Variants in CLDN16 observed in about 807,000 individuals in gnomAD.
CLDN16 encodes the protein claudin 16.
A neutral mutation model predicts 24.6 loss-of-function variants in CLDN16; 13 were observed. The observed-to-expected ratio is 0.53, with a 90% CI of 0.34 to 0.84. CLDN16 has a LOEUF of 0.84. Ranked by LOEUF, CLDN16 falls within the 40% of genes least tolerant of loss-of-function variation. CLDN16 has a pLI of 0.01. For missense variants in CLDN16, 298 were observed against 292.7 expected, an observed-to-expected ratio of 1.02 and a Z score of -0.13; for synonymous variants, 116 against 106.7, an observed-to-expected ratio of 1.09 and a Z score of -0.54.
At chr3:190,300,978 A>G in the CLDN16 span, among the ~76,000 whole-genome samples, 1 of 152,202 alleles carries the variant, frequency 6.6e-6, no homozygotes, top group African/African-American at 2.4e-5. Flanking sequence ...AGAAAAATAA[A>G]TTTGGTTTCT....
chr3:190,411,193 G>A lies in CLDN16; in HGVS notation c.*1157G>A, dbSNP rs1719277493. 1 of 152,196 alleles carries A rather than the reference G, an allele frequency of 6.6e-6. No individual in the cohort carries two copies. Among genetic ancestry groups the A allele is most frequent in the South Asian group, 2.1e-4 (1 of 4,836 alleles). 9.4% of individuals were successfully genotyped at this position (152,196 alleles called of 1,614,324 possible). On this transcript the variant is annotated 3_prime_UTR_variant, in exon 5 of 5. Coordinates refer to ENST00000264734, the MANE Select transcript of CLDN16 (RefSeq NM_006580.4). ...GAGAATCGTTTGAACCCAGGAGGTG[G>A]AGGTTGCAGTGAGCGGAGATCGCAC...
At chr3:190,405,477 C>CTATG (rs1431052396) in intron 3 of CLDN16, among the ~76,000 whole-genome samples, 7 of 132,582 alleles carry the variant, frequency 5.3e-5, no homozygotes, top group Non-Finnish European at 6.6e-5. Flanking sequence ...AGCTCTAAAA[C>CTATG]TATGTTTTGG....
intron 2 of CLDN16, among the ~76,000 whole-genome samples, chr3:190,373,057 A>T (rs1718175755): frequency 6.6e-6 from 1 of 151,996 alleles, no homozygotes; most frequent in Non-Finnish European, 1.5e-5. Flanking sequence ...TCCCTGACAT[A>T]GCCTACCTGC....
the CLDN16 span, among the ~76,000 whole-genome samples, chr3:190,291,764 C>T: frequency 6.6e-6 from 1 of 152,080 alleles, no homozygotes; most frequent in Non-Finnish European, 1.5e-5. Context: ...AATGGGGATA[C>T]AGGCACTGGG....
intron 1 of CLDN16, among the ~76,000 whole-genome samples, chr3:190,341,387 C>A (rs1291116492): frequency 6.6e-6 from 1 of 152,192 alleles, no homozygotes; most frequent in Non-Finnish European, 1.5e-5. Context: ...GGCTCAACAC[C>A]AGGTGGAAGC....
At chr3:190,325,985 G>GC (rs888108192) in intron 1 of CLDN16, among the ~76,000 whole-genome samples, 41 of 152,248 alleles carry the variant, frequency 2.7e-4, no homozygotes, top group Admixed American at 2.4e-3. Context: ...TTTTAAAATG[G>GC]CCCTTTGAAG....
At chr3:190,355,437 T>C (rs1183855431) in intron 1 of CLDN16, among the ~76,000 whole-genome samples, 2 of 151,946 alleles carry the variant, frequency 1.3e-5, no homozygotes, top group Admixed American at 1.3e-4. Flanking sequence ...ACAAAAGCAA[T>C]GTTCTATCGA....
chr3:190,355,795 T>A (rs1052641642), intron 1 of CLDN16, among the ~76,000 whole-genome samples: 1 of 151,814 alleles, frequency 6.6e-6, no homozygotes, highest in Non-Finnish European at 1.5e-5. Context: ...AATAGCAATA[T>A]AATTAATTAT....
chr3:190,394,348 T>C (rs1389005782), intron 1 of CLDN16, among the ~76,000 whole-genome samples: 1 of 152,216 alleles, frequency 6.6e-6, no homozygotes, highest in African/African-American at 2.4e-5. Flanking sequence ...GAACCTGCTA[T>C]GTACTGAGCA....
chr3:190,335,452 C>T (rs1049100438), intron 1 of CLDN16, among the ~76,000 whole-genome samples: 6 of 152,002 alleles, frequency 3.9e-5, no homozygotes, highest in African/African-American at 9.7e-5. Flanking sequence ...CAGTGGCTCA[C>T]GCCTGTAATC....
the CLDN16 span, among the ~76,000 whole-genome samples, chr3:190,298,856 T>A: frequency 6.6e-6 from 1 of 152,358 alleles, no homozygotes; most frequent in South Asian, 2.1e-4. Context: ...AAATTATTTA[T>A]CATTAAACCA....
At chr3:190,409,761 G>A (rs1458892184) in intron 4 of CLDN16, 142 bp from the exon 5 acceptor site, 5 of 751,380 alleles carry the variant, frequency 6.7e-6, no homozygotes, top group African/African-American at 1.8e-5. Flanking sequence ...TTGTCTTCTA[G>A]GATTCTTCTT....
chr3:190,332,914 C>T (rs1246379886), intron 1 of CLDN16, among the ~76,000 whole-genome samples: 7 of 151,732 alleles, frequency 4.6e-5, no homozygotes, highest in Non-Finnish European at 7.4e-5. Flanking sequence ...AGGAGGAATA[C>T]GAAGGGAACA....
chr3:190,403,237 C>T (rs1411925462), intron 2 of CLDN16, among the ~76,000 whole-genome samples: 1 of 152,020 alleles, frequency 6.6e-6, no homozygotes, highest in Non-Finnish European at 1.5e-5. Flanking sequence ...GAGACTGAGG[C>T]AGGAGAATCA....
intron 1 of CLDN16, among the ~76,000 whole-genome samples, chr3:190,363,816 A>G (rs997864333): frequency 4.6e-5 from 7 of 151,538 alleles, no homozygotes; most frequent in African/African-American, 1.7e-4. Flanking sequence ...CTACCCGGAT[A>G]GATTCATCCT....
At chr3:190,369,675 C>G (rs1247993613) in intron 1 of CLDN16, among the ~76,000 whole-genome samples, 1 of 151,854 alleles carries the variant, frequency 6.6e-6, no homozygotes, top group African/African-American at 2.4e-5. Flanking sequence ...CGTTCTATGT[C>G]AACAAACATA....
At chr3:190,291,004 G>A in the CLDN16 span, among the ~76,000 whole-genome samples, 4 of 152,272 alleles carry the variant, frequency 2.6e-5, no homozygotes, top group Admixed American at 6.5e-5. Flanking sequence ...GCTGGGTTAT[G>A]TACTATTTTC....
intron 1 of CLDN16, among the ~76,000 whole-genome samples, chr3:190,362,248 C>T (rs1412810158): frequency 6.6e-6 from 1 of 151,950 alleles, no homozygotes; most frequent in Non-Finnish European, 1.5e-5. Context: ...GCCATTTCAG[C>T]ATCACTATTG....
the CLDN16 span, among the ~76,000 whole-genome samples, chr3:190,296,288 G>A: frequency 6.6e-6 from 1 of 152,120 alleles, no homozygotes; most frequent in Non-Finnish European, 1.5e-5. Context: ...TGTCATTCTT[G>A]TCATGTTACA....
Sources: gnomAD v4.1 joint callset for allele counts (sites outside exome capture counted in the v4.1 genomes callset) on GRCh38, gnomAD v4.1.1 for gene constraint, MANE v1.5 for transcripts, NCBI Gene and HGNC (gene_info 2026-07-23, HGNC 2026-07-21) for gene names.